Variants in KIF13B observed in about 807,000 individuals in gnomAD.
The protein encoded by KIF13B is kinesin family member 13B.
Under a neutral mutation model 222.0 loss-of-function variants are expected in KIF13B, and 127 were observed. The ratio of observed to expected loss-of-function variants is 0.57; its 90% CI spans 0.50 to 0.66. KIF13B has a LOEUF of 0.66. KIF13B is among the 30% of genes least tolerant of loss of function. The pLI, the probability that KIF13B is intolerant of heterozygous loss-of-function variation, is 0.00. For missense variants in KIF13B, 2,173 were observed against 2,379.0 expected (o/e 0.91, Z 1.80); for synonymous variants, 976 against 919.0 (o/e 1.06, Z -1.12).
chr8:29,129,313 T>C (rs955265257), intron 24 of KIF13B, among the ~76,000 whole-genome samples: 2 of 152,222 alleles, frequency 1.3e-5, no homozygotes, highest in Non-Finnish European at 2.9e-5. Flanking sequence ...AAGATACATA[T>C]ATTTTTTAAC....
At chr8:29,083,817 G>T (rs1380804791) in intron 37 of KIF13B, among the ~76,000 whole-genome samples, 1 of 151,976 alleles carries the variant, frequency 6.6e-6, no homozygotes, top group Admixed American at 6.6e-5. Flanking sequence ...TAAGATGGGT[G>T]GTATTAAACT....
chr8:29,080,731 AGTTCTCTAAGCG>A (rs994802760), intron 37 of KIF13B, among the ~76,000 whole-genome samples: 1 of 152,102 alleles, frequency 6.6e-6, no homozygotes, highest in African/African-American at 2.4e-5. Context: ...CATCTACATG[AGTTCTCTAAGCG>A]GTGTCACCAG....
rs1586846270 is a variant in KIF13B at position 29,150,355 on chromosome 8, T to C, written c.1564A>G (p.Ser522Gly). ...TCCCCATGGTGTAGCTGTATTGGACTGGAGACAGATGACCCATTTACAAAT... is the reference window on the plus strand; with the variant it reads ...TCCCCATGGTGTAGCTGTATTGGACCGGAGACAGATGACCCATTTACAAAT... ...RTFVNGSSVS[S>G]PIQLHHGDRI... The change falls in exon 15 of 40, where the codon AGT becomes GGT. Residue 522 changes from serine to glycine, a missense_variant. Around this residue, in one of 2 missense-constraint regions of KIF13B, gnomAD observed 1,480 missense variants for 1,722.8 expected, o/e 0.86. Coordinates refer to ENST00000524189, the MANE Select transcript of KIF13B (RefSeq NM_015254.4). 1 of 1,588,058 alleles carries C rather than the reference T, an allele frequency of 6.3e-7. No individual in the cohort carries two copies. The highest frequency in any genetic ancestry group is 8.6e-7 in the Non-Finnish European group (1 of 1,159,174).
chr8:29,101,636 G>A (rs945692810), intron 35 of KIF13B, among the ~76,000 whole-genome samples: 1 of 152,138 alleles, frequency 6.6e-6, no homozygotes, highest in African/African-American at 2.4e-5. Context: ...CGTAGATCCT[G>A]CCAGCCCTGC....
chr8:29,242,252 AAAC>A (rs1057416006), intron 2 of KIF13B, among the ~76,000 whole-genome samples: 4 of 152,146 alleles, frequency 2.6e-5, no homozygotes, highest in Admixed American at 6.5e-5. Flanking sequence ...TCTCAAAAAC[AAAC>A]AACAACAACA....
At chr8:29,177,436 G>T in intron 9 of KIF13B, 30 bp downstream of exon 9, 1 of 1,310,634 alleles carries the variant, frequency 7.6e-7, no homozygotes, top group Non-Finnish European at 1.1e-6. Flanking sequence ...AATAAATAAA[G>T]CAATAAAAAT....
At chr8:29,263,106 G>A, upstream of KIF13B, 1 of 1,462,506 alleles carries the variant, frequency 6.8e-7, no homozygotes, top group Non-Finnish European at 9.3e-7. Context: ...GGTTGACCCG[G>A]CGGGAGGGGG....
rs747503751 is a variant in KIF13B at position 29,146,542 on chromosome 8, T to TA, written c.2025-3dup. Reference sequence around the variant, plus strand: ...AGGCTGTTATTCAACGTTGCTTCTCTAAAAAAAAATAAAGAAGCGGCAGAG... The same window carrying TA: ...AGGCTGTTATTCAACGTTGCTTCTCTAAAAAAAAAATAAAGAAGCGGCAGAG... On this transcript the variant is annotated splice_polypyrimidine_tract_variant and splice_region_variant and intron_variant, in intron 17 of 39. Coordinates refer to ENST00000524189, the MANE Select transcript of KIF13B (RefSeq NM_015254.4). The TA allele has an allele frequency of 1.3e-4, 210 of 1,568,110 alleles. No individual in the cohort carries two copies. The highest frequency in any genetic ancestry group is 3.4e-4 in the Middle Eastern group (2 of 5,854).
At chr8:29,197,030 CA>C (rs1348034055) in intron 2 of KIF13B, among the ~76,000 whole-genome samples, 1 of 152,240 alleles carries the variant, frequency 6.6e-6, no homozygotes, top group East Asian at 1.9e-4. Context: ...GACATCTCAT[CA>C]GGGGACAAGA....
intron 2 of KIF13B, among the ~76,000 whole-genome samples, chr8:29,209,343 T>C (rs1042708667): frequency 2.6e-5 from 4 of 152,080 alleles, no homozygotes; most frequent in South Asian, 2.1e-4. Flanking sequence ...GACTCAGCCA[T>C]ATCTCATTTA....
intron 2 of KIF13B, among the ~76,000 whole-genome samples, chr8:29,227,085 C>A (rs1168995374): frequency 6.6e-6 from 1 of 152,192 alleles, no homozygotes; most frequent in Admixed American, 6.5e-5. Flanking sequence ...TGCACAGATA[C>A]ATTTTTATAC....
rs5890439 is a variant in KIF13B, at chr8:29,080,327, CAAAAAAA to C, written c.4459-4991_4459-4985del. Among the ~76,000 whole-genome samples the C allele has an allele frequency of 5.8e-3, 392 of 67,164 alleles. 1 individual carries two copies. Among genetic ancestry groups the C allele is most frequent in the African/African-American group, 0.023 (378 of 16,302 alleles). The allele number at this position is 67,164 out of a possible 152,430, so 44.1% of individuals were successfully genotyped here. ...TGGGTGACAGAGTGAGACCCAGTCT[CAAAAAAA>C]AAAAAAAAAAAAAAACCAACCCAAA... On this transcript the variant is annotated intron_variant, in intron 37 of 39. Transcript: ENST00000524189.
At chr8:29,182,625 A>G (rs1812759385) in intron 6 of KIF13B, among the ~76,000 whole-genome samples, 1 of 152,012 alleles carries the variant, frequency 6.6e-6, no homozygotes, top group African/African-American at 2.4e-5. Flanking sequence ...CCTCTTAGCA[A>G]AGAAGGAACT....
At chr8:29,254,428 G>A (rs1185439375) in intron 1 of KIF13B, among the ~76,000 whole-genome samples, 1 of 152,062 alleles carries the variant, frequency 6.6e-6, no homozygotes, top group East Asian at 1.9e-4. Context: ...ATAACAGAAT[G>A]GTATACAGAA....
intron 1 of KIF13B, among the ~76,000 whole-genome samples, chr8:29,257,763 G>T (rs1254431761): frequency 1.3e-5 from 2 of 152,052 alleles, no homozygotes; most frequent in African/African-American, 4.8e-5. Context: ...AGTGAGTGAT[G>T]ATCATGCCAC....
chr8:29,211,020 C>T (rs1031285346), intron 2 of KIF13B, among the ~76,000 whole-genome samples: 1 of 152,118 alleles, frequency 6.6e-6, no homozygotes, highest in Non-Finnish European at 1.5e-5. Flanking sequence ...CACAATGGCC[C>T]GGCAGAAAAG....
chr8:29,091,307 T>C (rs1162463095), intron 37 of KIF13B, among the ~76,000 whole-genome samples: 1 of 152,226 alleles, frequency 6.6e-6, no homozygotes, highest in Non-Finnish European at 1.5e-5. Flanking sequence ...TAGCAGGTGA[T>C]GTGACTTGCT....
rs564702303 is a variant in KIF13B at position 29,164,060 on chromosome 8, T to C, written c.1269+1602A>G. On this transcript the variant is annotated intron_variant, in intron 12 of 39. Coordinates refer to ENST00000524189, the MANE Select transcript of KIF13B (RefSeq NM_015254.4). ...AGGGACACAAAAACAACACTGGCCA[T>C]ATGCTGATCTTTAATGAAACCAGGT... Among the ~76,000 whole-genome samples the C allele has an allele frequency of 5.3e-5, 8 of 152,334 alleles. No homozygotes were observed. In the South Asian group the frequency reaches 1.7e-3, roughly 32 times the overall value.
At chr8:29,139,991 C>T (rs1364769183) in intron 21 of KIF13B, 72 bp downstream of exon 21, 3 of 1,363,558 alleles carry the variant, frequency 2.2e-6, no homozygotes, top group East Asian at 5.0e-5. Context: ...GTGATTTTTG[C>T]CATTAAAAGT....
Sources: allele counts gnomAD v4.1 joint callset (sites outside exome capture counted in the v4.1 genomes callset), GRCh38; gene constraint gnomAD v4.1.1; regional missense constraint gnomAD v4.1.1; transcripts MANE v1.5; gene names NCBI Gene and HGNC (gene_info 2026-07-23, HGNC 2026-07-21).